The following EMP2 variants were observed in gnomAD, a reference collection of about 807,000 sequenced individuals.
EMP2 encodes the protein epithelial membrane protein 2.
A neutral mutation model predicts 13.7 loss-of-function variants in EMP2; 19 were observed. That is an observed-to-expected ratio of 1.38 (90% confidence interval 0.97 to 2.03). The LOEUF (loss-of-function observed/expected upper bound fraction) is 2.03, where lower values mean the gene tolerates loss of function less well. Among genes scored for constraint, EMP2 ranks in the 30% most tolerant of loss-of-function variants. The pLI is 0.00. For missense variants in EMP2, 253 were observed against 220.7 expected, an observed-to-expected ratio of 1.15 and a Z score of -0.93; for synonymous variants, 97 against 84.7, an observed-to-expected ratio of 1.15 and a Z score of -0.80.
At chr16:10,544,611 G>T in intron 2 of EMP2, 1 of 152,638 alleles carries the variant, frequency 6.6e-6, no homozygotes. Context: ...ATAGCAGTCA[G>T]GGGTGGGCAC....
chr16:10,554,977 G>A (rs911363809), intron 1 of EMP2, among the ~76,000 whole-genome samples: 5 of 151,978 alleles, frequency 3.3e-5, no homozygotes, highest in African/African-American at 7.3e-5. Flanking sequence ...CATCTTATTC[G>A]TTCAGTTGTT....
intron 1 of EMP2, among the ~76,000 whole-genome samples, chr16:10,577,122 A>C (rs1472792564): frequency 1.3e-5 from 2 of 152,058 alleles, no homozygotes; most frequent in African/African-American, 4.8e-5. Context: ...TCGGCTGCCA[A>C]ATTGCTGTGT....
intron 1 of EMP2, among the ~76,000 whole-genome samples, chr16:10,557,940 G>C (rs961850770): frequency 1.3e-5 from 2 of 152,136 alleles, no homozygotes; most frequent in Non-Finnish European, 2.9e-5. Flanking sequence ...GAACAAGAGG[G>C]AGGAGAAAGG....
At chr16:10,560,638 A>G (rs952442508) in intron 1 of EMP2, among the ~76,000 whole-genome samples, 1 of 152,226 alleles carries the variant, frequency 6.6e-6, no homozygotes, top group Non-Finnish European at 1.5e-5. Flanking sequence ...AAGGGTGTGT[A>G]AACGGACGGA....
At position 10,573,522 on chromosome 16, in the gene EMP2, A is replaced by G. The variant is rs191154001; in HGVS notation, c.-61+7027T>C. Among the ~76,000 whole-genome samples the G allele has an allele frequency of 2.8e-4, 43 of 152,318 alleles. No homozygotes were observed. The East Asian group carries it at 7.1e-3, about 25-fold the overall frequency. Reference sequence around the variant, plus strand: ...AAAACAGTCCCTAACTGGTCCATCCATGGAGTCTCTGACCCCCCACAGCCA... The same window carrying G: ...AAAACAGTCCCTAACTGGTCCATCCGTGGAGTCTCTGACCCCCCACAGCCA... On this transcript the variant is annotated intron_variant, in intron 1 of 4. Coordinates refer to ENST00000359543, the MANE Select transcript of EMP2 (RefSeq NM_001424.6).
chr16:10,562,544 C>A (rs1361270964), intron 1 of EMP2, among the ~76,000 whole-genome samples: 1 of 152,148 alleles, frequency 6.6e-6, no homozygotes, highest in Non-Finnish European at 1.5e-5. Context: ...TAGCTGACCA[C>A]AGACACATGA....
intron 1 of EMP2, among the ~76,000 whole-genome samples, chr16:10,563,511 G>C (rs1476731979): frequency 6.6e-6 from 1 of 152,146 alleles, no homozygotes; most frequent in Non-Finnish European, 1.5e-5. Flanking sequence ...TCTTTCATAA[G>C]TGACAAGACC....
intron 2 of EMP2, chr16:10,544,688 G>C (rs2050726271): frequency 6.5e-6 from 1 of 152,906 alleles, no homozygotes; most frequent in Admixed American, 6.6e-5. Context: ...GAGCCCAGGA[G>C]TTTGAGACCA....
At chr16:10,559,484 C>T (rs1426905634) in intron 1 of EMP2, among the ~76,000 whole-genome samples, 1 of 152,230 alleles carries the variant, frequency 6.6e-6, no homozygotes, top group African/African-American at 2.4e-5. Flanking sequence ...GGGCAGAAGC[C>T]ACTGAGGATC....
At chr16:10,550,817 A>C (rs971276487) in intron 1 of EMP2, among the ~76,000 whole-genome samples, 1 of 152,098 alleles carries the variant, frequency 6.6e-6, no homozygotes, top group African/African-American at 2.4e-5. Flanking sequence ...TCTACTAAAA[A>C]CACAAAAATT....
chr16:10,556,316 G>C (rs1436315555), intron 1 of EMP2, among the ~76,000 whole-genome samples: 1 of 151,860 alleles, frequency 6.6e-6, no homozygotes, highest in Non-Finnish European at 1.5e-5. Flanking sequence ...TTCTGTTGCA[G>C]AACCCCAAAC....
chr16:10,532,672 G>A lies in EMP2; in HGVS notation c.*233C>T, dbSNP rs970433858. ...TGTTGAGACTTTTGAGTGGGCAGCA[G>A]TTCTGAATACCAGCCTTCATAGTCT... On this transcript the variant is annotated 3_prime_UTR_variant, in exon 5 of 5. Coordinates refer to ENST00000359543, the MANE Select transcript of EMP2 (RefSeq NM_001424.6). The A allele has an allele frequency of 4.6e-5, 14 of 304,178 alleles. No homozygotes were observed. Among genetic ancestry groups the A allele is most frequent in the African/African-American group, 2.4e-4 (11 of 45,798 alleles). The allele number at this position is 304,178 out of a possible 1,614,324, so 18.8% of individuals were successfully genotyped here.
intron 4 of EMP2, 133 bp downstream of exon 4, chr16:10,537,795 G>C: frequency 9.0e-7 from 1 of 1,114,242 alleles, no homozygotes. Context: ...AACACACACC[G>C]GCACACAGCA....
rs140313216 is a variant in EMP2 at position 10,549,129 on chromosome 16, T to A, written c.-60-1452A>T. On this transcript the variant is annotated intron_variant, in intron 1 of 4. Coordinates refer to ENST00000359543, the MANE Select transcript of EMP2 (RefSeq NM_001424.6). ...GAAGCCTCACACCTTGGACAGATAT[T>A]ATGATTGGGGAATTAATAAACCTCT... is the stretch of plus-strand genomic sequence containing the variant. Among the ~76,000 whole-genome samples, 800 of 152,336 alleles carry A rather than the reference T, an allele frequency of 5.3e-3. 6 individuals are homozygous for A. Among genetic ancestry groups the A allele is most frequent in the African/African-American group, 0.018 (750 of 41,566 alleles).
At chr16:10,551,370 A>G (rs550490687) in intron 1 of EMP2, among the ~76,000 whole-genome samples, 1 of 152,350 alleles carries the variant, frequency 6.6e-6, no homozygotes, top group Admixed American at 6.5e-5. Flanking sequence ...ACTTTCACTC[A>G]GAGTTTAAGC....
At chr16:10,534,763 C>G (rs928514247) in intron 4 of EMP2, among the ~76,000 whole-genome samples, 11 of 152,142 alleles carry the variant, frequency 7.2e-5, no homozygotes, top group Non-Finnish European at 1.6e-4. Context: ...GAAACCCTAT[C>G]TCAAAAAATA....
chr16:10,572,570 C>T (rs1001065087), intron 1 of EMP2, among the ~76,000 whole-genome samples: 13 of 152,254 alleles, frequency 8.5e-5, no homozygotes, highest in African/African-American at 2.4e-4. Flanking sequence ...TAGTAAGCGG[C>T]CAATAAATAT....
At chr16:10,537,003 G>T (rs1462129795) in intron 4 of EMP2, among the ~76,000 whole-genome samples, 1 of 152,146 alleles carries the variant, frequency 6.6e-6, no homozygotes, top group Admixed American at 6.5e-5. Flanking sequence ...TGAGGGCATG[G>T]CAGGTTTGGA....
chr16:10,554,690 C>T (rs2050814309), intron 1 of EMP2, among the ~76,000 whole-genome samples: 2 of 152,156 alleles, frequency 1.3e-5, no homozygotes, highest in Non-Finnish European at 2.9e-5. Flanking sequence ...CCCCACCACA[C>T]CCCAACCCCT....
Sources: allele counts gnomAD v4.1 joint callset (sites outside exome capture counted in the v4.1 genomes callset), GRCh38; gene constraint gnomAD v4.1.1; transcripts MANE v1.5; gene names NCBI Gene and HGNC (gene_info 2026-07-23, HGNC 2026-07-21).